Variants in DTD1 observed in about 807,000 individuals in gnomAD.
DTD1 encodes the protein D-aminoacyl-tRNA deacylase 1, also known as D-tyrosyl-tRNA deacylase 1 homolog.
A neutral mutation model predicts 25.6 loss-of-function variants in DTD1; 13 were observed. That is an observed-to-expected ratio of 0.51 (90% CI 0.33 to 0.81). DTD1 has a LOEUF of 0.81. Among genes scored for constraint, DTD1 ranks in the 30% least tolerant of loss-of-function variants. DTD1 has a pLI of 0.02. For missense variants in DTD1, 193 were observed against 266.4 expected (o/e 0.72, Z 1.92); for synonymous variants, 110 against 103.6 (o/e 1.06, Z -0.37).
chr20:18,636,383 T>A lies in DTD1; in HGVS notation c.477+8150T>A, dbSNP rs577944264. Among the ~76,000 whole-genome samples the A allele has an allele frequency of 7.7e-4, 118 of 152,344 alleles. 1 individual carries two copies. The highest frequency in any genetic ancestry group is 2.9e-3 in the South Asian group (14 of 4,828). Reference sequence around the variant, plus strand: ...TAATTGTAGAAAAATGTTCTGCCAGTCAGTGGTGTTTTGCAGAAAACCTTG... The same window carrying A: ...TAATTGTAGAAAAATGTTCTGCCAGACAGTGGTGTTTTGCAGAAAACCTTG... On this transcript the variant is annotated intron_variant, in intron 4 of 5. Coordinates refer to ENST00000377452, the MANE Select transcript of DTD1 (RefSeq NM_080820.6).
rs6136479 is a variant in DTD1 at position 18,705,367 on chromosome 20, A to T, written c.478-38733A>T. 3.5e-3 allele frequency among the ~76,000 whole-genome samples: 531 copies of T among 152,262 alleles called. 24 individuals are homozygous for T. In the East Asian group the frequency reaches 0.082, roughly 23 times the overall value. On this transcript the variant is annotated intron_variant, in intron 4 of 5. Coordinates refer to ENST00000377452, the MANE Select transcript of DTD1 (RefSeq NM_080820.6). ...TTCATAATGTGCCCTCCAACACAAA[A>T]ACCACTTGCATCCCCACAGCAACTC...
intron 4 of DTD1, among the ~76,000 whole-genome samples, chr20:18,640,631 T>TC (rs1491036962): frequency 1.0e-5 from 1 of 97,572 alleles, no homozygotes; most frequent in Admixed American, 1.1e-4. Flanking sequence ...TCTGCAGAAT[T>TC]TTTTTTTTTT....
At chr20:18,715,659 C>T (rs559114841) in intron 4 of DTD1, among the ~76,000 whole-genome samples, 32 of 152,300 alleles carry the variant, frequency 2.1e-4, no homozygotes, top group Middle Eastern at 6.8e-3. Context: ...CTGGGATTTT[C>T]TGTGGATGTA....
chr20:18,675,858 A>ATG (rs150496085), intron 4 of DTD1, among the ~76,000 whole-genome samples: 8 of 602 alleles, frequency 0.013, no homozygotes, highest in African/African-American at 0.033. Flanking sequence ...ACACATATAT[A>ATG]TGTAAATATA....
intron 4 of DTD1, among the ~76,000 whole-genome samples, chr20:18,664,078 A>G (rs2060922070): frequency 6.6e-6 from 1 of 152,234 alleles, no homozygotes. Context: ...AGTGGGCTTT[A>G]TCATCTAGGT....
At chr20:18,748,588 G>A (rs2061309745) in intron 5 of DTD1, among the ~76,000 whole-genome samples, 1 of 152,142 alleles carries the variant, frequency 6.6e-6, no homozygotes, top group African/African-American at 2.4e-5. Flanking sequence ...CAGACAAGGG[G>A]ACAGTTACTG....
At chr20:18,707,468 A>G (rs112187448) in intron 4 of DTD1, among the ~76,000 whole-genome samples, 6 of 152,172 alleles carry the variant, frequency 3.9e-5, no homozygotes, top group African/African-American at 1.4e-4. Context: ...AATATACCAA[A>G]CTGTGGTGGT....
intron 4 of DTD1, among the ~76,000 whole-genome samples, chr20:18,643,928 C>T (rs1258722310): frequency 6.6e-6 from 1 of 152,114 alleles, no homozygotes; most frequent in Non-Finnish European, 1.5e-5. Context: ...CCTATATTGC[C>T]TATGTTTTTG....
chr20:18,759,448 A>G (rs532330611), intron 5 of DTD1, among the ~76,000 whole-genome samples: 1 of 152,280 alleles, frequency 6.6e-6, no homozygotes, highest in Non-Finnish European at 1.5e-5. Flanking sequence ...CCAATCTCTC[A>G]GCATTTGCTT....
chr20:18,743,824 G>A (rs572099791), intron 4 of DTD1, among the ~76,000 whole-genome samples: 1 of 152,316 alleles, frequency 6.6e-6, no homozygotes, highest in African/African-American at 2.4e-5. Flanking sequence ...GAAGGCTGTG[G>A]CATGACCGCT....
At chr20:18,730,532 A>G (rs2061236433) in intron 4 of DTD1, among the ~76,000 whole-genome samples, 1 of 152,188 alleles carries the variant, frequency 6.6e-6, no homozygotes, top group African/African-American at 2.4e-5. Context: ...TTGTATTTGT[A>G]TCAACTTAAT....
At chr20:18,634,339 G>C (rs543293208) in intron 4 of DTD1, among the ~76,000 whole-genome samples, 2 of 152,188 alleles carry the variant, frequency 1.3e-5, no homozygotes, top group South Asian at 2.1e-4. Context: ...GTAATTGAAG[G>C]ACTCTTCCCT....
chr20:18,751,209 T>A (rs1348722002), intron 5 of DTD1, among the ~76,000 whole-genome samples: 1 of 152,204 alleles, frequency 6.6e-6, no homozygotes, highest in Non-Finnish European at 1.5e-5. Flanking sequence ...TTGTACCACA[T>A]TCTCATGTCC....
At chr20:18,631,186 C>T in intron 4 of DTD1, 1 of 985,504 alleles carries the variant, frequency 1.0e-6, no homozygotes, top group African/African-American at 1.7e-5. Flanking sequence ...GCTACCCTTT[C>T]CTGGGCTGAG....
At chr20:18,604,908 G>A in intron 3 of DTD1, among the ~76,000 whole-genome samples, 1 of 17,838 alleles carries the variant, frequency 5.6e-5, no homozygotes, top group Non-Finnish European at 1.4e-4. Flanking sequence ...TCAACATAGT[G>A]TTGGAAGTTC....
chr20:18,626,332 C>T (rs962725025), intron 3 of DTD1, among the ~76,000 whole-genome samples: 2 of 152,254 alleles, frequency 1.3e-5, no homozygotes, highest in African/African-American at 4.8e-5. Flanking sequence ...TGTAGCTACA[C>T]AGAGAATCTG....
intron 4 of DTD1, among the ~76,000 whole-genome samples, chr20:18,663,608 T>G (rs1210864553): frequency 6.6e-6 from 1 of 152,216 alleles, no homozygotes; most frequent in East Asian, 1.9e-4. Context: ...TACCATTGTG[T>G]TACAGTTGCC....
intron 4 of DTD1, among the ~76,000 whole-genome samples, chr20:18,696,998 A>C (rs1188298835): frequency 2.0e-5 from 3 of 151,756 alleles, no homozygotes; most frequent in East Asian, 2.0e-4. Context: ...TTTGGGTGGC[A>C]GAGGCGGGCA....
chr20:18,677,803 T>C (rs1181520838), intron 4 of DTD1, among the ~76,000 whole-genome samples: 1 of 152,182 alleles, frequency 6.6e-6, no homozygotes, highest in Non-Finnish European at 1.5e-5. Context: ...TCTATCCAAA[T>C]ACAACTGCAA....
Sources: allele counts gnomAD v4.1 joint callset (sites outside exome capture counted in the v4.1 genomes callset), GRCh38; gene constraint gnomAD v4.1.1; transcripts MANE v1.5; gene names NCBI Gene and HGNC (gene_info 2026-07-23, HGNC 2026-07-21).